GABRG3: variants seen among roughly 807,000 people sequenced by gnomAD.
The protein encoded by GABRG3 is gamma-aminobutyric acid type A receptor subunit gamma3, also known as gamma-aminobutyric acid receptor subunit gamma-3.
Under a neutral mutation model 48.8 loss-of-function variants are expected in GABRG3, and 25 were observed. The ratio of observed to expected loss-of-function variants is 0.51; its 90% CI spans 0.37 to 0.72. GABRG3 has a LOEUF of 0.72. Among genes scored for constraint, GABRG3 ranks in the 30% least tolerant of loss-of-function variants. GABRG3 has a pLI of 0.00. For synonymous variants in GABRG3, 227 were observed against 217.6 expected (o/e 1.04, Z -0.38); for missense variants, 394 against 577.9 (o/e 0.68, Z 3.26).
chr15:27,149,123 C>T (rs1424318073), intron 3 of GABRG3, among the ~76,000 whole-genome samples: 1 of 151,934 alleles, frequency 6.6e-6, no homozygotes, highest in Admixed American at 6.6e-5. Context: ...CTCCAAAAGA[C>T]ATTAAAATAA....
At chr15:27,186,605 C>T (rs1398276149) in intron 3 of GABRG3, among the ~76,000 whole-genome samples, 1 of 152,134 alleles carries the variant, frequency 6.6e-6, no homozygotes. Flanking sequence ...CTGCCCTTCA[C>T]AGTGGCTGAA....
chr15:26,978,967 A>G (rs1294167430), intron 2 of GABRG3, among the ~76,000 whole-genome samples: 1 of 152,174 alleles, frequency 6.6e-6, no homozygotes, highest in African/African-American at 2.4e-5. Context: ...CATGCATATG[A>G]TAGGTCTCTT....
At chr15:27,442,908 A>T (rs1888833930) in intron 5 of GABRG3, among the ~76,000 whole-genome samples, 1 of 152,210 alleles carries the variant, frequency 6.6e-6, no homozygotes, top group South Asian at 2.1e-4. Flanking sequence ...GCCCAATGCC[A>T]GAGCCTTCCA....
chr15:27,432,313 G>C (rs1401145133), intron 5 of GABRG3, among the ~76,000 whole-genome samples: 2 of 152,148 alleles, frequency 1.3e-5, no homozygotes, highest in Non-Finnish European at 2.9e-5. Context: ...TATATTATAA[G>C]CCCATAAACA....
chr15:27,301,618 G>A (rs1419259851), intron 3 of GABRG3, among the ~76,000 whole-genome samples: 1 of 152,020 alleles, frequency 6.6e-6, no homozygotes, highest in Non-Finnish European at 1.5e-5. Flanking sequence ...ATATGTGTGT[G>A]AGTGTGTGTG....
intron 3 of GABRG3, among the ~76,000 whole-genome samples, chr15:27,057,028 C>A (rs1202339807): frequency 6.6e-6 from 1 of 152,192 alleles, no homozygotes; most frequent in Non-Finnish European, 1.5e-5. Flanking sequence ...GATTCAGAGA[C>A]AGGGTGTGGA....
intron 7 of GABRG3, among the ~76,000 whole-genome samples, chr15:27,521,280 TGTTTA>T (rs998857947): frequency 6.6e-6 from 1 of 152,124 alleles, no homozygotes; most frequent in African/African-American, 2.4e-5. Context: ...AACAATAAGA[TGTTTA>T]GTTTAGACAC....
chr15:27,453,433 G>A (rs1356171705), intron 5 of GABRG3, among the ~76,000 whole-genome samples: 2 of 152,090 alleles, frequency 1.3e-5, no homozygotes, highest in Non-Finnish European at 2.9e-5. Flanking sequence ...ATTATATAAA[G>A]CTAGAAGAAT....
intron 3 of GABRG3, among the ~76,000 whole-genome samples, chr15:27,142,951 T>C (rs1319188559): frequency 1.3e-5 from 2 of 152,148 alleles, no homozygotes; most frequent in Non-Finnish European, 2.9e-5. Flanking sequence ...GATAAGGTTT[T>C]GCCATGTTGC....
At chr15:27,038,992 T>C (rs1026227089) in intron 3 of GABRG3, among the ~76,000 whole-genome samples, 1 of 152,188 alleles carries the variant, frequency 6.6e-6, no homozygotes, top group Non-Finnish European at 1.5e-5. Context: ...TGATGGCACA[T>C]TTTATTCAGG....
chr15:27,386,938 C>T lies in GABRG3; in HGVS notation c.574+58050C>T, dbSNP rs141670219. Reference sequence around the variant, plus strand: ...CACTTGTCTATGTGTGTGTATCTGGCTTCTTTTGACAATTTAAATAACTTT... The same window carrying T: ...CACTTGTCTATGTGTGTGTATCTGGTTTCTTTTGACAATTTAAATAACTTT... On this transcript the variant is annotated intron_variant, in intron 5 of 9. Coordinates refer to ENST00000615808, the MANE Select transcript of GABRG3 (RefSeq NM_033223.5). 3.5e-4 allele frequency among the ~76,000 whole-genome samples: 54 copies of T among 152,300 alleles called. No individual in the cohort carries two copies. In the East Asian group the frequency reaches 9.8e-3, roughly 28 times the overall value.
chr15:27,293,528 T>C (rs1364729066), intron 3 of GABRG3, among the ~76,000 whole-genome samples: 1 of 151,762 alleles, frequency 6.6e-6, no homozygotes, highest in Non-Finnish European at 1.5e-5. Flanking sequence ...CAAAAAAAAT[T>C]AGCCAGGTGT....
Position 27,145,715 on chromosome 15 carries a change from A to G in GABRG3, c.270+118894A>G, listed in dbSNP as rs370050714. 6.7e-4 allele frequency among the ~76,000 whole-genome samples: 102 copies of G among 151,302 alleles called. 1 individual carries two copies. The highest frequency in any genetic ancestry group is 2.5e-3 in the African/African-American group (102 of 41,346). ...AGAATTAATATTTGAAAAAATAATG[A>G]CCAAAATCTTCAAACTTGATGAAAA... On this transcript the variant is annotated intron_variant, in intron 3 of 9. Transcript: ENST00000615808.
At chr15:27,201,863 G>C (rs1306889317) in intron 3 of GABRG3, among the ~76,000 whole-genome samples, 1 of 152,168 alleles carries the variant, frequency 6.6e-6, no homozygotes, top group African/African-American at 2.4e-5. Context: ...AAACTAAATT[G>C]AATGGCAGAG....
chr15:26,988,778 A>G (rs185570362), intron 2 of GABRG3, among the ~76,000 whole-genome samples: 2 of 151,380 alleles, frequency 1.3e-5, no homozygotes, highest in African/African-American at 4.8e-5. Flanking sequence ...TTATATTGTT[A>G]TTTTAGTGGT....
chr15:27,312,644 G>A (rs544176819), intron 3 of GABRG3, among the ~76,000 whole-genome samples: 3 of 152,148 alleles, frequency 2.0e-5, no homozygotes, highest in African/African-American at 7.2e-5. Context: ...TATATTCAGA[G>A]TACTAAAATA....
At chr15:27,349,081 C>A (rs896689280) in intron 5 of GABRG3, among the ~76,000 whole-genome samples, 1 of 151,620 alleles carries the variant, frequency 6.6e-6, no homozygotes, top group East Asian at 1.9e-4. Context: ...GAATTGTGAG[C>A]CACAGAATAG....
chr15:27,129,265 G>T (rs1897874480), intron 3 of GABRG3, among the ~76,000 whole-genome samples: 1 of 152,088 alleles, frequency 6.6e-6, no homozygotes, highest in South Asian at 2.1e-4. Context: ...CTGTCTCTAT[G>T]AATCTGATTA....
chr15:27,353,426 C>CTATTTATTTATTTATTTATTTATT (rs59969384), intron 5 of GABRG3, among the ~76,000 whole-genome samples: 7 of 146,110 alleles, frequency 4.8e-5, no homozygotes, highest in African/African-American at 1.5e-4. Context: ...TTCTTTCTTT[C>CTATTTATTTATTTATTTATTTATT]TATTTATTTA....
Sources: gnomAD v4.1 joint callset for allele counts (sites outside exome capture counted in the v4.1 genomes callset) on GRCh38, gnomAD v4.1.1 for gene constraint, MANE v1.5 for transcripts, NCBI Gene and HGNC (gene_info 2026-07-23, HGNC 2026-07-21) for gene names.